Variants in KCNIP4 observed in about 807,000 individuals in gnomAD.
KCNIP4 encodes the protein Kv channel-interacting protein 4.
In KCNIP4, 12 loss-of-function variants were observed where a neutral mutation model predicts 34.0. The ratio of observed to expected loss-of-function variants is 0.35; its 90% confidence interval spans 0.23 to 0.57. The LOEUF (loss-of-function observed/expected upper bound fraction) is 0.57, where lower values mean the gene tolerates loss of function less well. KCNIP4 is among the 20% of genes least tolerant of loss of function. KCNIP4 has a pLI of 0.83. For synonymous variants in KCNIP4, 124 were observed against 102.2 expected, an observed-to-expected ratio of 1.21 and a Z score of -1.29; for missense variants, 238 against 311.7, an observed-to-expected ratio of 0.76 and a Z score of 1.78.
chr4:20,985,691 A>C (rs1455940355), intron 1 of KCNIP4, among the ~76,000 whole-genome samples: 1 of 152,188 alleles, frequency 6.6e-6, no homozygotes, highest in Non-Finnish European at 1.5e-5. Flanking sequence ...GGCATGAAGT[A>C]AAATGTGACC....
intron 3 of KCNIP4, among the ~76,000 whole-genome samples, chr4:20,775,255 A>G (rs1407958055): frequency 6.6e-6 from 1 of 152,186 alleles, no homozygotes; most frequent in East Asian, 1.9e-4. Context: ...TTGTGCTCCT[A>G]TCTCCAAAAA....
intron 1 of KCNIP4, among the ~76,000 whole-genome samples, chr4:21,321,498 A>G (rs777260686): frequency 6.6e-6 from 1 of 152,144 alleles, no homozygotes; most frequent in South Asian, 2.1e-4. Flanking sequence ...AGAAAAACGG[A>G]ATAAAATATT....
At chr4:21,165,264 C>G (rs1202728624) in intron 1 of KCNIP4, among the ~76,000 whole-genome samples, 1 of 4,406 alleles carries the variant, frequency 2.3e-4, no homozygotes, top group Non-Finnish European at 4.1e-4. Flanking sequence ...GTGGTGGGGT[C>G]GGGGGAGGGG....
chr4:21,589,285 CAT>C (rs1372322638), intron 1 of KCNIP4, among the ~76,000 whole-genome samples: 3 of 127,628 alleles, frequency 2.4e-5, no homozygotes, highest in Non-Finnish European at 3.3e-5. Context: ...TGTATAGATA[CAT>C]ATATATGTGT....
chr4:20,776,089 A>G (rs1347192632), intron 3 of KCNIP4, among the ~76,000 whole-genome samples: 1 of 152,116 alleles, frequency 6.6e-6, no homozygotes, highest in East Asian at 1.9e-4. Flanking sequence ...CCATCTGCAC[A>G]TTTTTCATTT....
At chr4:21,054,215 T>C (rs1743195493) in intron 1 of KCNIP4, among the ~76,000 whole-genome samples, 1 of 152,078 alleles carries the variant, frequency 6.6e-6, no homozygotes, top group South Asian at 2.1e-4. Context: ...AGATTTACTA[T>C]AATTAAGACA....
intron 1 of KCNIP4, chr4:21,844,311 T>C (rs1258351189): frequency 6.6e-6 from 1 of 152,132 alleles, no homozygotes; most frequent in African/African-American, 2.4e-5. Context: ...CAGTGAGATA[T>C]ACATTTTGTA....
At chr4:21,180,711 G>C (rs1487570522) in intron 1 of KCNIP4, among the ~76,000 whole-genome samples, 2 of 150,226 alleles carry the variant, frequency 1.3e-5, no homozygotes, top group East Asian at 3.9e-4. Context: ...TAGTATATTT[G>C]TGTATATATA....
At chr4:21,165,730 C>G (rs1450599496) in intron 1 of KCNIP4, among the ~76,000 whole-genome samples, 2 of 152,146 alleles carry the variant, frequency 1.3e-5, no homozygotes, top group African/African-American at 4.8e-5. Context: ...AAGACACTGA[C>G]AGGAAAATAT....
chr4:21,039,241 A>C (rs1020112682), intron 1 of KCNIP4, among the ~76,000 whole-genome samples: 1 of 152,152 alleles, frequency 6.6e-6, no homozygotes, highest in African/African-American at 2.4e-5. Context: ...GTGCACCTGT[A>C]ATCCCAGCTA....
chr4:21,724,366 T>C (rs573414325), intron 1 of KCNIP4, among the ~76,000 whole-genome samples: 2 of 147,640 alleles, frequency 1.4e-5, no homozygotes, highest in African/African-American at 5.4e-5. Flanking sequence ...CCCTAAAATA[T>C]TGTGGGAAAA....
Position 21,561,865 on chromosome 4 carries a change from C to T in KCNIP4, c.61+386706G>A, listed in dbSNP as rs567767161. 1.6e-3 allele frequency among the ~76,000 whole-genome samples: 236 copies of T among 152,000 alleles called. 2 individuals carry two copies. Among genetic ancestry groups the T allele is most frequent in the African/African-American group, 5.3e-3 (221 of 41,504 alleles). On this transcript the variant is annotated intron_variant, in intron 1 of 8. Coordinates refer to ENST00000382152, the MANE Select transcript of KCNIP4 (RefSeq NM_025221.6). ...CCTTGCTTTTTGGAAAATCACATTG[C>T]CTTCCACATTGTTCATTTATGAGAA...
chr4:21,244,041 G>A (rs1760030441), intron 1 of KCNIP4, among the ~76,000 whole-genome samples: 2 of 152,112 alleles, frequency 1.3e-5, no homozygotes, highest in Non-Finnish European at 2.9e-5. Context: ...TTTCCATAGA[G>A]GAGTAAGAAA....
At chr4:21,861,112 GAACTT>G (rs1380491570) in intron 1 of KCNIP4, among the ~76,000 whole-genome samples, 1 of 152,146 alleles carries the variant, frequency 6.6e-6, no homozygotes, top group East Asian at 1.9e-4. Flanking sequence ...TAACATCCTA[GAACTT>G]AACTCATCTC....
chr4:20,998,203 G>T (rs1223867758), intron 1 of KCNIP4, among the ~76,000 whole-genome samples: 1 of 152,084 alleles, frequency 6.6e-6, no homozygotes, highest in Non-Finnish European at 1.5e-5. Context: ...TAGTAAGTGA[G>T]ATGTAAGGAG....
intron 3 of KCNIP4, among the ~76,000 whole-genome samples, chr4:20,798,904 C>A (rs770761919): frequency 1.3e-5 from 2 of 152,190 alleles, no homozygotes; most frequent in Admixed American, 6.5e-5. Flanking sequence ...GGTGACAACA[C>A]TGTGCCCTGG....
intron 1 of KCNIP4, among the ~76,000 whole-genome samples, chr4:21,085,629 A>G (rs746524396): frequency 1.3e-5 from 2 of 152,196 alleles, no homozygotes; most frequent in Non-Finnish European, 2.9e-5. Context: ...CTATCTGATT[A>G]GTTGGTTTGG....
intron 1 of KCNIP4, among the ~76,000 whole-genome samples, chr4:21,005,714 T>C (rs1738492604): frequency 6.6e-6 from 1 of 152,120 alleles, no homozygotes; most frequent in South Asian, 2.1e-4. Flanking sequence ...AATTATAGAA[T>C]TTAAGAGGCC....
At chr4:21,931,799 T>C (rs961939969) in intron 1 of KCNIP4, among the ~76,000 whole-genome samples, 1 of 152,102 alleles carries the variant, frequency 6.6e-6, no homozygotes, top group South Asian at 2.1e-4. Context: ...TTCCCAGTAA[T>C]GGGATTGCTG....
Sources: gnomAD v4.1 joint callset for allele counts (sites outside exome capture counted in the v4.1 genomes callset) on GRCh38, gnomAD v4.1.1 for gene constraint, MANE v1.5 for transcripts, NCBI Gene and HGNC (gene_info 2026-07-23, HGNC 2026-07-21) for gene names.